Variants in SLC10A7 observed in about 807,000 individuals in gnomAD.
The protein encoded by SLC10A7 is sodium/bile acid cotransporter 7.
In SLC10A7, 29 loss-of-function variants were observed where a neutral mutation model predicts 43.2. The ratio of observed to expected loss-of-function variants is 0.67; its 90% CI spans 0.50 to 0.92. The LOEUF (loss-of-function observed/expected upper bound fraction) is 0.92, where lower values mean the gene tolerates loss of function less well. SLC10A7 is among the 40% of genes least tolerant of loss of function. SLC10A7 has a pLI of 0.00. For synonymous variants in SLC10A7, 152 were observed against 144.8 expected (o/e 1.05, Z -0.35); for missense variants, 295 against 403.2 (o/e 0.73, Z 2.30).
At chr4:146,422,416 C>G (rs993071063) in intron 5 of SLC10A7, among the ~76,000 whole-genome samples, 1 of 151,986 alleles carries the variant, frequency 6.6e-6, no homozygotes, top group African/African-American at 2.4e-5. Flanking sequence ...TTGATAGGAG[C>G]AAATTAAGTC....
At chr4:146,450,336 A>C (rs1267333909) in intron 4 of SLC10A7, among the ~76,000 whole-genome samples, 2 of 152,184 alleles carry the variant, frequency 1.3e-5, no homozygotes, top group African/African-American at 2.4e-5. Context: ...AATCTAGAGA[A>C]GACAAAGTAT....
At chr4:146,290,062 C>T (rs368767149) in intron 9 of SLC10A7, among the ~76,000 whole-genome samples, 10 of 149,106 alleles carry the variant, frequency 6.7e-5, no homozygotes, top group African/African-American at 1.7e-4. Flanking sequence ...TGGTGGCTCA[C>T]GCCTGTAATC....
At chr4:146,260,676 G>A (rs1428274232) in intron 10 of SLC10A7, among the ~76,000 whole-genome samples, 2 of 152,216 alleles carry the variant, frequency 1.3e-5, no homozygotes, top group Admixed American at 1.3e-4. Flanking sequence ...TTTCTTAGTG[G>A]TAGGCTCTAA....
rs577851396 is a variant in SLC10A7, at chr4:146,498,769, T to C, written c.396+5080A>G. On this transcript the variant is annotated intron_variant, in intron 4 of 11. Coordinates refer to ENST00000335472, the MANE Select transcript of SLC10A7 (RefSeq NM_001029998.6). ...GAGTTCCTTCTGCTGCTAAAAATTA[T>C]TATAAATTCTAATTGGCTCACTGAA... Among the ~76,000 whole-genome samples, 3 of 152,320 alleles carry C rather than the reference T, an allele frequency of 2.0e-5. No individual in the cohort carries two copies. In the South Asian group the frequency reaches 6.2e-4, roughly 32 times the overall value.
At chr4:146,274,934 C>A (rs1373879836) in intron 10 of SLC10A7, among the ~76,000 whole-genome samples, 8 of 152,070 alleles carry the variant, frequency 5.3e-5, no homozygotes, top group African/African-American at 1.9e-4. Context: ...GAAACTGGTT[C>A]CTACTGTCAT....
intron 5 of SLC10A7, among the ~76,000 whole-genome samples, chr4:146,397,654 CA>C (rs1738930863): frequency 6.6e-6 from 1 of 152,158 alleles, no homozygotes; most frequent in Admixed American, 6.5e-5. Context: ...CATCCACACA[CA>C]ATTCCTTCAT....
At chr4:146,388,763 C>A (rs11945726) in intron 5 of SLC10A7, among the ~76,000 whole-genome samples, 36,190 of 94,826 alleles carry the variant, frequency 0.38, 4,904 homozygotes, top group African/African-American at 0.54. Flanking sequence ...TGTCAAAAAA[C>A]AACAACAACA....
At chr4:146,307,248 A>C (rs1054409039) in intron 6 of SLC10A7, among the ~76,000 whole-genome samples, 1 of 152,178 alleles carries the variant, frequency 6.6e-6, no homozygotes, top group African/African-American at 2.4e-5. Flanking sequence ...CCCTGTGTTC[A>C]TTGAAAACCA....
intron 4 of SLC10A7, among the ~76,000 whole-genome samples, chr4:146,472,160 A>C (rs1043215908): frequency 3.3e-5 from 5 of 150,428 alleles, no homozygotes; most frequent in Admixed American, 2.0e-4. Context: ...CGTGCAAAAA[A>C]AATGCACTGC....
chr4:146,477,563 A>G (rs1054483441), intron 4 of SLC10A7, among the ~76,000 whole-genome samples: 1 of 152,236 alleles, frequency 6.6e-6, no homozygotes, highest in African/African-American at 2.4e-5. Flanking sequence ...ATGTCTAAGT[A>G]ATGCAAGATT....
At chr4:146,468,145 C>A (rs1733218821) in intron 4 of SLC10A7, among the ~76,000 whole-genome samples, 1 of 152,206 alleles carries the variant, frequency 6.6e-6, no homozygotes, top group Non-Finnish European at 1.5e-5. Flanking sequence ...TCTATTCCTT[C>A]ATCTCAATAA....
intron 9 of SLC10A7, among the ~76,000 whole-genome samples, chr4:146,284,040 A>C (rs984580842): frequency 1.3e-5 from 2 of 152,180 alleles, no homozygotes; most frequent in Non-Finnish European, 2.9e-5. Flanking sequence ...AGTACTGGGA[A>C]TTGGATGTCA....
chr4:146,441,866 G>C, intron 5 of SLC10A7: 1 of 984,548 alleles, frequency 1.0e-6, no homozygotes, highest in Non-Finnish European at 1.2e-6. Context: ...ATGTTTAAAA[G>C]CTTTAACTAC....
At chr4:146,462,756 G>C (rs1451189918) in intron 4 of SLC10A7, among the ~76,000 whole-genome samples, 1 of 152,108 alleles carries the variant, frequency 6.6e-6, no homozygotes, top group African/African-American at 2.4e-5. Flanking sequence ...ACTGCCAAGA[G>C]ATGATTTAAT....
chr4:146,286,509 T>TTTGGAGTGGTGAGAAGGACTGA lies in SLC10A7; in HGVS notation c.774-3245_774-3244insTCAGTCCTTCTCACCACTCCAA, dbSNP rs1729963670. Among the ~76,000 whole-genome samples, 132 of 23,332 alleles carry TTTGGAGTGGTGAGAAGGACTGA rather than the reference T, an allele frequency of 5.7e-3. 1 individual carries two copies. Among genetic ancestry groups the TTTGGAGTGGTGAGAAGGACTGA allele is most frequent in the South Asian group, 0.012 (9 of 726 alleles). The allele number at this position is 23,332 out of a possible 152,430, so 15.3% of individuals were successfully genotyped here. Reference sequence around the variant, plus strand: ...GAGTTTGGAGTGGTGAGAAGGACTGTGTTTGGAGTGGTGAGAAGGACTGTG... The same window carrying TTTGGAGTGGTGAGAAGGACTGA: ...GAGTTTGGAGTGGTGAGAAGGACTGTTTGGAGTGGTGAGAAGGACTGAGTTTGGAGTGGTGAGAAGGACTGTG... On this transcript the variant is annotated intron_variant, in intron 9 of 11. Transcript: ENST00000335472.
intron 7 of SLC10A7, among the ~76,000 whole-genome samples, chr4:146,304,499 C>A (rs1578836169): frequency 6.6e-6 from 1 of 152,206 alleles, no homozygotes; most frequent in East Asian, 1.9e-4. Context: ...GCCTTCATTT[C>A]ATTATGTACC....
At chr4:146,360,212 C>T (rs548593827) in intron 5 of SLC10A7, among the ~76,000 whole-genome samples, 1 of 140,682 alleles carries the variant, frequency 7.1e-6, no homozygotes. Flanking sequence ...CTCTAAGCCA[C>T]TGTTGTTTTT....
intron 6 of SLC10A7, among the ~76,000 whole-genome samples, chr4:146,322,217 T>C (rs2149701970): frequency 6.6e-6 from 1 of 152,172 alleles, no homozygotes; most frequent in East Asian, 1.9e-4. Flanking sequence ...TACTCTTTGG[T>C]TCTTTTTTTA....
chr4:146,342,664 G>C (rs575769244), intron 5 of SLC10A7, among the ~76,000 whole-genome samples: 211 of 151,482 alleles, frequency 1.4e-3, no homozygotes, highest in Non-Finnish European at 1.5e-3. Flanking sequence ...AATTACTTTA[G>C]AGCATTCTAT....
Sources: gnomAD v4.1 joint callset for allele counts (sites outside exome capture counted in the v4.1 genomes callset) on GRCh38, gnomAD v4.1.1 for gene constraint, MANE v1.5 for transcripts, NCBI Gene and HGNC (gene_info 2026-07-23, HGNC 2026-07-21) for gene names.